GALNTL6: variants seen among roughly 807,000 people sequenced by gnomAD.
GALNTL6 encodes polypeptide N-acetylgalactosaminyltransferase like 6.
In GALNTL6, 46 loss-of-function variants were observed where a neutral mutation model predicts 73.7. The ratio of observed to expected loss-of-function variants is 0.62; its 90% CI spans 0.49 to 0.80. The LOEUF is 0.80. Ranked by LOEUF, GALNTL6 falls within the 30% of genes least tolerant of loss-of-function variation. The pLI, the probability that GALNTL6 is intolerant of heterozygous loss-of-function variation, is 0.00. For synonymous variants in GALNTL6, 259 were observed against 263.7 expected (o/e 0.98, Z 0.17); for missense variants, 604 against 755.0 (o/e 0.80, Z 2.34).
intron 2 of GALNTL6, among the ~76,000 whole-genome samples, chr4:171,853,007 G>A (rs1560814177): frequency 8.2e-6 from 1 of 122,044 alleles, no homozygotes; most frequent in Admixed American, 9.0e-5. Flanking sequence ...CACCACGCCC[G>A]GCTAATTTTT....
At chr4:172,981,995 A>ATG (rs902573267) in intron 10 of GALNTL6, among the ~76,000 whole-genome samples, 14 of 152,026 alleles carry the variant, frequency 9.2e-5, no homozygotes, top group African/African-American at 3.1e-4. Flanking sequence ...GGGTTTCTCC[A>ATG]TGTTGGTCAG....
intron 7 of GALNTL6, among the ~76,000 whole-genome samples, chr4:172,844,958 G>C (rs1173826450): frequency 6.6e-6 from 1 of 152,126 alleles, no homozygotes; most frequent in South Asian, 2.1e-4. Flanking sequence ...GCTCACACCT[G>C]TAATCCCAGC....
intron 5 of GALNTL6, among the ~76,000 whole-genome samples, chr4:172,385,613 G>A (rs1275187992): frequency 6.6e-6 from 1 of 151,670 alleles, no homozygotes; most frequent in Non-Finnish European, 1.5e-5. Context: ...TGTTTGTATA[G>A]TATATCTCAT....
intron 2 of GALNTL6, among the ~76,000 whole-genome samples, chr4:172,184,459 TAA>T (rs1735356667): frequency 6.6e-6 from 1 of 152,170 alleles, no homozygotes; most frequent in African/African-American, 2.4e-5. Context: ...AAAAAATAAA[TAA>T]AGAGGCTTTT....
At chr4:172,091,082 T>TA (rs1177924693) in intron 2 of GALNTL6, among the ~76,000 whole-genome samples, 1 of 152,156 alleles carries the variant, frequency 6.6e-6, no homozygotes, top group Admixed American at 6.5e-5. Context: ...ACCATGCTGG[T>TA]ACCAAGGCTA....
intron 2 of GALNTL6, among the ~76,000 whole-genome samples, chr4:172,117,730 C>A (rs1733025612): frequency 6.6e-6 from 1 of 151,750 alleles, no homozygotes; most frequent in Non-Finnish European, 1.5e-5. Context: ...CAATGAAAAG[C>A]CAGAAATTAA....
rs577477907 is a variant in GALNTL6, at chr4:172,708,001, A to G, written c.554-101360A>G. Among the ~76,000 whole-genome samples, 6 of 152,270 alleles carry G rather than the reference A, an allele frequency of 3.9e-5. No homozygotes were observed. The South Asian group carries it at 8.3e-4, about 21-fold the overall frequency. ...AAGAAACCTGACTAAAGTTTGGTCA[A>G]GGATAGATCCTTGTCACTTGGCTTG... On this transcript the variant is annotated intron_variant, in intron 5 of 12. Coordinates refer to ENST00000506823, the MANE Select transcript of GALNTL6 (RefSeq NM_001034845.3).
intron 2 of GALNTL6, among the ~76,000 whole-genome samples, chr4:171,940,781 G>C (rs1007899712): frequency 2.6e-5 from 4 of 151,274 alleles, no homozygotes; most frequent in African/African-American, 9.7e-5. Context: ...TTGCGCCACT[G>C]CACTCCAGAC....
At chr4:172,044,839 T>A (rs1298246723) in intron 2 of GALNTL6, among the ~76,000 whole-genome samples, 1 of 152,044 alleles carries the variant, frequency 6.6e-6, no homozygotes, top group Non-Finnish European at 1.5e-5. Flanking sequence ...AATATCTATT[T>A]GAGCTACAGA....
At chr4:172,780,753 C>T (rs1215215068) in intron 5 of GALNTL6, among the ~76,000 whole-genome samples, 1 of 152,158 alleles carries the variant, frequency 6.6e-6, no homozygotes, top group Admixed American at 6.5e-5. Flanking sequence ...CCCTTAAGAG[C>T]AAAATATTAT....
chr4:172,605,193 T>C (rs1453822935), intron 5 of GALNTL6, among the ~76,000 whole-genome samples: 1 of 152,230 alleles, frequency 6.6e-6, no homozygotes, highest in African/African-American at 2.4e-5. Flanking sequence ...TTCTTGTTTC[T>C]ATGCCTGGTG....
chr4:172,010,181 A>G (rs1309954456), intron 2 of GALNTL6, among the ~76,000 whole-genome samples: 2 of 152,104 alleles, frequency 1.3e-5, no homozygotes, highest in Non-Finnish European at 2.9e-5. Context: ...TCTTTATTAC[A>G]AAAGCAGTCA....
intron 10 of GALNTL6, among the ~76,000 whole-genome samples, chr4:173,005,163 G>A (rs1752218028): frequency 6.6e-6 from 1 of 152,070 alleles, no homozygotes; most frequent in African/African-American, 2.4e-5. Flanking sequence ...TTTACTCTCT[G>A]CCAGACCTTT....
At chr4:172,786,727 G>T (rs986715369) in intron 5 of GALNTL6, among the ~76,000 whole-genome samples, 2 of 152,136 alleles carry the variant, frequency 1.3e-5, no homozygotes, top group Non-Finnish European at 2.9e-5. Context: ...CACATTCTTG[G>T]AAGATGTGCA....
chr4:172,498,908 C>T (rs1051005633), intron 5 of GALNTL6, among the ~76,000 whole-genome samples: 1 of 152,044 alleles, frequency 6.6e-6, no homozygotes, highest in Admixed American at 6.6e-5. Flanking sequence ...TTATGGCTGC[C>T]TTCTAAAATG....
At chr4:172,050,972 C>A (rs1422936605) in intron 2 of GALNTL6, among the ~76,000 whole-genome samples, 1 of 152,146 alleles carries the variant, frequency 6.6e-6, no homozygotes, top group African/African-American at 2.4e-5. Context: ...TGAATTTATT[C>A]TTGCTGGGGT....
At chr4:172,523,347 C>T (rs1734847805) in intron 5 of GALNTL6, among the ~76,000 whole-genome samples, 2 of 152,138 alleles carry the variant, frequency 1.3e-5, no homozygotes, top group Admixed American at 6.5e-5. Flanking sequence ...ACAGAATATA[C>T]ATTTTTAGCA....
intron 8 of GALNTL6, among the ~76,000 whole-genome samples, chr4:172,930,890 C>T (rs1373841301): frequency 1.1e-4 from 16 of 152,132 alleles, no homozygotes; most frequent in Admixed American, 1.0e-3. Flanking sequence ...GTCGTGACCA[C>T]CTGGGCTCAA....
At chr4:172,744,187 A>G (rs768338788) in intron 5 of GALNTL6, among the ~76,000 whole-genome samples, 30 of 152,138 alleles carry the variant, frequency 2.0e-4, no homozygotes, top group Non-Finnish European at 2.9e-4. Flanking sequence ...ACAAAGGTTA[A>G]CATTCCATTT....
Sources: gnomAD v4.1 joint callset for allele counts (sites outside exome capture counted in the v4.1 genomes callset) on GRCh38, gnomAD v4.1.1 for gene constraint, MANE v1.5 for transcripts, NCBI Gene and HGNC (gene_info 2026-07-23, HGNC 2026-07-21) for gene names.